FMN1: variants seen among roughly 807,000 people sequenced by gnomAD.
The protein encoded by FMN1 is formin 1.
Under a neutral mutation model 132.4 loss-of-function variants are expected in FMN1, and 110 were observed. That is an observed-to-expected ratio of 0.83 (90% CI 0.71 to 0.97). FMN1 has a LOEUF of 0.97. FMN1 is among the 50% of genes least tolerant of loss of function. The pLI, the probability that FMN1 is intolerant of heterozygous loss-of-function variation, is 0.00. For missense variants in FMN1, 1,792 were observed against 1,705.3 expected (o/e 1.05, Z -0.90); for synonymous variants, 722 against 651.7 (o/e 1.11, Z -1.64).
intron 4 of FMN1, among the ~76,000 whole-genome samples, chr15:33,119,539 G>A (rs1962353223): frequency 6.6e-6 from 1 of 152,140 alleles, no homozygotes. Flanking sequence ...GACAGGTTTC[G>A]CCACTTTATA....
chr15:33,011,183 G>T (rs753647985), intron 6 of FMN1, among the ~76,000 whole-genome samples: 15 of 152,072 alleles, frequency 9.9e-5, no homozygotes, highest in Non-Finnish European at 1.3e-4. Context: ...AATTAACATG[G>T]CATGGTACAG....
At chr15:33,169,832 C>A (rs1965250772) in intron 3 of FMN1, among the ~76,000 whole-genome samples, 1 of 145,948 alleles carries the variant, frequency 6.9e-6, no homozygotes, top group African/African-American at 2.6e-5. Context: ...GATGAGGCCA[C>A]TATTGAGCAT....
intron 4 of FMN1, among the ~76,000 whole-genome samples, chr15:33,140,193 AACACACACACACACACACACACAC>A (rs61485667): frequency 1.4e-5 from 2 of 142,872 alleles, no homozygotes; most frequent in African/African-American, 2.6e-5. Flanking sequence ...CCTATGGTTA[AACACACACACACACACACACACAC>A]ACACACACAC....
In FMN1 at chr15:32,871,624, AG is replaced by A. The variant is rs557236416; in HGVS notation, c.3836-14518del. ...GTCATTTCTTTAGGAAATGACCTAA[AG>A]ATACAAGATACAAAGATAAAAGATA... On this transcript the variant is annotated intron_variant, in intron 16 of 20. Transcript: ENST00000616417. 3.9e-5 allele frequency among the ~76,000 whole-genome samples: 6 copies of A among 152,342 alleles called. No individual in the cohort carries two copies. The South Asian group carries it at 1.2e-3, about 32-fold the overall frequency.
At chr15:32,947,763 G>C (rs1023199537) in intron 9 of FMN1, among the ~76,000 whole-genome samples, 1 of 151,802 alleles carries the variant, frequency 6.6e-6, no homozygotes, top group Admixed American at 6.6e-5. Flanking sequence ...TCCCTCTAAT[G>C]GTATCTTTAT....
chr15:32,918,575 T>A (rs1179294179), intron 10 of FMN1, among the ~76,000 whole-genome samples: 2 of 152,200 alleles, frequency 1.3e-5, no homozygotes, highest in Non-Finnish European at 2.9e-5. Context: ...ATGCCTCAAG[T>A]TGCCCAAGGT....
rs1378191214 is a variant in FMN1 at position 32,857,111 on chromosome 15, TGAAGA to T, written c.3836-9_3836-5del. ...ACCACCATCTGTTTCTCACTTGCTG[TGAAGA>T]GAAATTTAGAATTAGACTTAGGAAC... On this transcript the variant is annotated splice_region_variant and splice_polypyrimidine_tract_variant and intron_variant, in intron 16 of 20. Coordinates refer to ENST00000616417, the MANE Select transcript of FMN1 (RefSeq NM_001277313.2). 6.2e-7 allele frequency: 1 copy of T among 1,609,668 alleles called. No homozygotes were observed. The highest frequency in any genetic ancestry group is 8.5e-7 in the Non-Finnish European group (1 of 1,176,028).
intron 5 of FMN1, among the ~76,000 whole-genome samples, chr15:33,072,869 G>A (rs758007883): frequency 2.7e-5 from 4 of 149,722 alleles, no homozygotes; most frequent in African/African-American, 7.4e-5. Context: ...GCTGCAGTGA[G>A]CCGAGATGCA....
At position 33,114,289 on chromosome 15, in the gene FMN1, G is replaced by T. The variant is rs577918505; in HGVS notation, c.1868-25315C>A. On this transcript the variant is annotated intron_variant, in intron 4 of 20. Transcript: ENST00000616417. ...CAAGGACGAGGAATGAAGCAGCTCA[G>T]GACTCTAAAGTATAGCATCCTAAAA... is the stretch of plus-strand genomic sequence containing the variant. Among the ~76,000 whole-genome samples the T allele has an allele frequency of 3.9e-5, 6 of 152,320 alleles. No homozygotes were observed. In the South Asian group the frequency reaches 1.2e-3, roughly 32 times the overall value.
intron 6 of FMN1, among the ~76,000 whole-genome samples, chr15:33,017,190 A>C (rs1019583534): frequency 6.6e-6 from 1 of 152,008 alleles, no homozygotes; most frequent in Non-Finnish European, 1.5e-5. Flanking sequence ...GAATCAGTGG[A>C]GCGACAGGGG....
chr15:32,994,294 T>G (rs1213502806), intron 7 of FMN1, among the ~76,000 whole-genome samples: 1 of 151,722 alleles, frequency 6.6e-6, no homozygotes, highest in East Asian at 1.9e-4. Context: ...TAAATTACAT[T>G]GCTTATTCTG....
At chr15:33,012,947 G>A (rs1215909804) in intron 6 of FMN1, 3 of 485,008 alleles carry the variant, frequency 6.2e-6, no homozygotes, top group African/African-American at 3.9e-5. Context: ...TCCATGAAGG[G>A]AAAAAACTTT....
chr15:33,069,944 A>G (rs1348354518), intron 5 of FMN1, among the ~76,000 whole-genome samples: 1 of 146,316 alleles, frequency 6.8e-6, no homozygotes, highest in African/African-American at 2.5e-5. Flanking sequence ...CTTCTTCAAG[A>G]TTGTAGAAAG....
chr15:32,869,609 T>C (rs1204265656), intron 16 of FMN1, among the ~76,000 whole-genome samples: 2 of 152,120 alleles, frequency 1.3e-5, no homozygotes, highest in African/African-American at 4.8e-5. Flanking sequence ...TTTAAAGTGA[T>C]AGCAAAATAT....
At chr15:32,779,458 G>A (rs1340414937) in intron 19 of FMN1, among the ~76,000 whole-genome samples, 1 of 152,146 alleles carries the variant, frequency 6.6e-6, no homozygotes, top group African/African-American at 2.4e-5. Context: ...GCCACACAGT[G>A]CACTAAGGAG....
intron 6 of FMN1, among the ~76,000 whole-genome samples, chr15:33,061,615 ATATATAAG>A (rs1462184611): frequency 0.015 from 2,316 of 152,236 alleles, 55 homozygotes; most frequent in African/African-American, 0.053. Flanking sequence ...AGAAGAATGA[ATATATAAG>A]GAAATCCAAA....
chr15:33,052,370 T>C (rs1345108326), intron 6 of FMN1, among the ~76,000 whole-genome samples: 1 of 152,120 alleles, frequency 6.6e-6, no homozygotes, highest in African/African-American at 2.4e-5. Context: ...AGGAACTCGA[T>C]AAAAATGCTG....
intron 9 of FMN1, among the ~76,000 whole-genome samples, chr15:32,954,938 G>T (rs2061731389): frequency 6.6e-6 from 1 of 152,202 alleles, no homozygotes; most frequent in Non-Finnish European, 1.5e-5. Flanking sequence ...AACCTGAGAG[G>T]TGGAGGTTGC....
At chr15:33,093,034 C>G (rs1381349693) in intron 4 of FMN1, among the ~76,000 whole-genome samples, 1 of 152,128 alleles carries the variant, frequency 6.6e-6, no homozygotes, top group African/African-American at 2.4e-5. Flanking sequence ...TACCAATTTC[C>G]TAAAGGAAGT....
Sources: gnomAD v4.1 joint callset for allele counts (sites outside exome capture counted in the v4.1 genomes callset) on GRCh38, gnomAD v4.1.1 for gene constraint, MANE v1.5 for transcripts, NCBI Gene and HGNC (gene_info 2026-07-23, HGNC 2026-07-21) for gene names.